The following VPS45 variants were observed in gnomAD, a reference collection of about 807,000 sequenced individuals.
VPS45 encodes the protein vacuolar protein sorting 45 homolog.
A neutral mutation model predicts 75.9 loss-of-function variants in VPS45; 35 were observed. That is an observed-to-expected ratio of 0.46 (90% CI 0.35 to 0.61). The LOEUF is 0.61. VPS45 is among the 20% of genes least tolerant of loss of function. The probability of loss-of-function intolerance (pLI) is 0.00; values close to 1 mark genes in which losing one functional copy is unlikely to be tolerated. For synonymous variants in VPS45, 220 were observed against 238.2 expected (o/e 0.92, Z 0.70); for missense variants, 559 against 685.9 (o/e 0.81, Z 2.07).
chr1:150,108,646 G>A (rs1418198731), intron 13 of VPS45, among the ~76,000 whole-genome samples: 1 of 152,142 alleles, frequency 6.6e-6, no homozygotes, highest in Non-Finnish European at 1.5e-5. Flanking sequence ...ATTGAAGAAG[G>A]TATATCCAGG....
At chr1:150,129,050 C>T (rs1297121857) in intron 14 of VPS45, among the ~76,000 whole-genome samples, 1 of 152,160 alleles carries the variant, frequency 6.6e-6, no homozygotes, top group Non-Finnish European at 1.5e-5. Flanking sequence ...AGCTTATTTT[C>T]CTCCAGTGAC....
chr1:150,070,042 C>G lies in VPS45; in HGVS notation c.228+1278C>G, dbSNP rs150361460. 7.0e-3 allele frequency among the ~76,000 whole-genome samples: 1,065 copies of G among 152,236 alleles called. 8 individuals are homozygous for G. The highest frequency in any genetic ancestry group is 0.034 in the Middle Eastern group (10 of 294). On this transcript the variant is annotated intron_variant, in intron 2 of 14. Coordinates refer to ENST00000644510, the MANE Select transcript of VPS45 (RefSeq NM_007259.5). ...TATCAATCCGCTATATTCCCCTTGT[C>G]CCGTCATGCCACGGGACGTTTGCAT...
At chr1:150,114,996 T>G (rs1422009221) in intron 14 of VPS45, among the ~76,000 whole-genome samples, 2 of 152,050 alleles carry the variant, frequency 1.3e-5, no homozygotes, top group African/African-American at 4.8e-5. Flanking sequence ...AGTTTAGAAT[T>G]TCAGGTTGAT....
At chr1:150,100,852 T>C (rs1559920908) in intron 13 of VPS45, among the ~76,000 whole-genome samples, 1 of 152,064 alleles carries the variant, frequency 6.6e-6, no homozygotes, top group African/African-American at 2.4e-5. Flanking sequence ...TAAAGACAAA[T>C]GTAAAACCCA....
intron 3 of VPS45, among the ~76,000 whole-genome samples, chr1:150,074,231 C>T (rs188502763): frequency 6.6e-6 from 1 of 151,796 alleles, no homozygotes; most frequent in East Asian, 1.9e-4. Flanking sequence ...GTTGGTTGTC[C>T]AGACTGGTCT....
rs374014216 is a variant in VPS45 at position 150,067,787 on chromosome 1, A to AC, written c.-71_-70insC. ...GGGAGGAAGCAGCTGAGACCCGGCC[A>AC]ACAGACTGGGGGTTAATTTAGCCAG... On this transcript the variant is annotated 5_prime_UTR_variant, in exon 1 of 15. Coordinates refer to ENST00000644510, the MANE Select transcript of VPS45 (RefSeq NM_007259.5). The AC allele has an allele frequency of 6.6e-7, 1 of 1,516,820 alleles. No homozygotes were observed. The highest frequency in any genetic ancestry group is 1.4e-5 in the African/African-American group (1 of 72,906). The allele number at this position is 1,516,820 out of a possible 1,614,324, so 94.0% of individuals were successfully genotyped here. A position where few individuals can be genotyped will look rare whatever the true frequency, so the allele number is the denominator to read the frequency against.
Position 150,144,899 on chromosome 1 carries a change from T to C in VPS45, c.*103T>C. 6.4e-7 allele frequency: 1 copy of C among 1,572,428 alleles called. No homozygotes were observed. The highest frequency in any genetic ancestry group is 1.3e-5 in the African/African-American group (1 of 74,308). On this transcript the variant is annotated 3_prime_UTR_variant, in exon 15 of 15. Coordinates refer to ENST00000644510, the MANE Select transcript of VPS45 (RefSeq NM_007259.5). The stretch of plus-strand genomic sequence containing the variant: ...GAGCAGCTTTGGGTTCTGTGCTGGT[T>C]GTTAGAACTCATCTCCAGGTAGCCC...
chr1:150,088,434 A>AT (rs1656134207), intron 10 of VPS45, among the ~76,000 whole-genome samples: 17 of 125,540 alleles, frequency 1.4e-4, no homozygotes, highest in African/African-American at 5.2e-4. Context: ...CTGAATAATA[A>AT]ATATATATAT....
At chr1:150,084,584 A>G (rs1354535002) in intron 10 of VPS45, among the ~76,000 whole-genome samples, 1 of 152,180 alleles carries the variant, frequency 6.6e-6, no homozygotes, top group Admixed American at 6.5e-5. Context: ...AGCCATTTCT[A>G]AGCCACTTAT....
intron 10 of VPS45, among the ~76,000 whole-genome samples, chr1:150,089,126 A>G (rs1656184453): frequency 6.6e-6 from 1 of 152,184 alleles, no homozygotes; most frequent in East Asian, 1.9e-4. Flanking sequence ...GAAGGTAAAT[A>G]GAAAAGGGCA....
In VPS45 at chr1:150,072,194, T is replaced by C. The variant is rs782513242; in HGVS notation, c.257T>C (p.Leu86Pro). ...AATGTGGATTATATTATTCAGGAGC[T>C]CCGAAGACCCAAATACACTATATAT... ...KENVDYIIQE[L>P]RRPKYTIYFI... Residue 86 changes from leucine (L) to proline (P), a missense_variant, in exon 3 of 15, where the codon CTC becomes CCC. Coordinates refer to ENST00000644510, the MANE Select transcript of VPS45 (RefSeq NM_007259.5). The C allele has an allele frequency of 5.2e-5, 84 of 1,608,500 alleles. No homozygotes were observed. Among genetic ancestry groups the C allele is most frequent in the Non-Finnish European group, 7.0e-5 (82 of 1,177,020 alleles).
chr1:150,092,314 G>A lies in VPS45; in HGVS notation c.1276G>A (p.Val426Ile), dbSNP rs782590059. The change falls in exon 12 of 15, where the codon GTT becomes ATT. Residue 426 changes from valine to isoleucine, a missense_variant. Transcript: ENST00000644510. ...SEKYRKLVSA[V>I]VEYGGKRVRG... ...TCTTTCTTAATAGCTCGTGTCTGCA[G>A]TTGTTGAATATGGTGGTAAACGAGT... is the stretch of plus-strand genomic sequence containing the variant. The A allele has an allele frequency of 2.5e-6, 4 of 1,613,966 alleles. No individual in the cohort carries two copies. Among genetic ancestry groups the A allele is most frequent in the Non-Finnish European group, 3.4e-6 (4 of 1,179,992 alleles).
At chr1:150,121,982 AG>A (rs1317850111) in intron 14 of VPS45, among the ~76,000 whole-genome samples, 1 of 152,210 alleles carries the variant, frequency 6.6e-6, no homozygotes, top group Non-Finnish European at 1.5e-5. Flanking sequence ...CAGTGGCTGT[AG>A]GTTACACTAC....
At chr1:150,093,748 C>G in intron 13 of VPS45, 100 bp downstream of exon 13, 1 of 1,382,438 alleles carries the variant, frequency 7.2e-7, no homozygotes, top group South Asian at 1.7e-5. Flanking sequence ...TAGCATTCTG[C>G]TGCTCCTTTC....
At chr1:150,108,238 G>A (rs143175837) in intron 13 of VPS45, among the ~76,000 whole-genome samples, 2 of 152,288 alleles carry the variant, frequency 1.3e-5, no homozygotes, top group Admixed American at 1.3e-4. Flanking sequence ...AAAGGTCTGG[G>A]CTGGAGATGG....
chr1:150,141,546 G>A (rs1659391673), intron 14 of VPS45, among the ~76,000 whole-genome samples: 1 of 152,154 alleles, frequency 6.6e-6, no homozygotes, highest in Non-Finnish European at 1.5e-5. Flanking sequence ...GGAGAAGCTT[G>A]CTTTTCAGTG....
At chr1:150,089,328 G>C (rs1424745372) in intron 10 of VPS45, among the ~76,000 whole-genome samples, 3 of 151,554 alleles carry the variant, frequency 2.0e-5, no homozygotes, top group Non-Finnish European at 4.4e-5. Context: ...ATCCCAAATG[G>C]GATTTCTTTT....
chr1:150,110,427 C>T, intron 13 of VPS45, 69 bp from the exon 14 acceptor site: 1 of 1,397,666 alleles, frequency 7.2e-7, no homozygotes, highest in Middle Eastern at 2.2e-4. Flanking sequence ...AATTAAAACT[C>T]TGTGTATGTA....
intron 14 of VPS45, among the ~76,000 whole-genome samples, chr1:150,113,725 G>A (rs189591023): frequency 1.9e-3 from 283 of 150,924 alleles, no homozygotes; most frequent in African/African-American, 6.5e-3. Context: ...GTGAAACCCC[G>A]TCTCTACTAA....
Sources: allele counts gnomAD v4.1 joint callset (sites outside exome capture counted in the v4.1 genomes callset), GRCh38; gene constraint gnomAD v4.1.1; transcripts MANE v1.5; gene names NCBI Gene and HGNC (gene_info 2026-07-23, HGNC 2026-07-21).